ADGRL2: variants seen among roughly 807,000 people sequenced by gnomAD.
The protein encoded by ADGRL2 is calcium-independent alpha-latrotoxin receptor 2.
A neutral mutation model predicts 157.4 loss-of-function variants in ADGRL2; 44 were observed. The ratio of observed to expected loss-of-function variants is 0.28; its 90% CI spans 0.22 to 0.36. The LOEUF is 0.36. Among genes scored for constraint, ADGRL2 ranks in the 10% least tolerant of loss-of-function variants. ADGRL2 has a pLI of 1.00. For synonymous variants in ADGRL2, 585 were observed against 624.7 expected, an observed-to-expected ratio of 0.94 and a Z score of 0.95; for missense variants, 1,510 against 1,768.9, an observed-to-expected ratio of 0.85 and a Z score of 2.63.
In ADGRL2 at chr1:81,955,903, T is replaced by G. The variant is rs1314919396; in HGVS notation, c.1860T>G (p.Leu620=). The G allele has an allele frequency of 6.2e-7, 1 of 1,601,256 alleles. No individual in the cohort carries two copies. The highest frequency in any genetic ancestry group is 8.5e-7 in the Non-Finnish European group (1 of 1,174,484). Residue 620 remains leucine (L), a synonymous_variant, in exon 11 of 24, where the codon CTT becomes CTG. Transcript: ENST00000686636. ...CAATTGTTGACACAGTGGACAACCT[T>G]CTGAGACCCGAAGCTTTGGAATCAT... ...LKAIVDTVDN[L]LRPEALESWK...
intron 1 of ADGRL2, among the ~76,000 whole-genome samples, chr1:81,388,818 G>A (rs879520009): frequency 1.3e-4 from 20 of 152,090 alleles, no homozygotes; most frequent in Admixed American, 9.2e-4. Flanking sequence ...TAAACCAAGC[G>A]ATACTCAATG....
intron 1 of ADGRL2, among the ~76,000 whole-genome samples, chr1:81,814,170 GA>G (rs1217101316): frequency 6.6e-6 from 1 of 151,582 alleles, no homozygotes; most frequent in Admixed American, 6.6e-5. Context: ...AATTATCAAA[GA>G]AAATTTTATC....
chr1:81,482,156 A>G (rs1271459304), intron 2 of ADGRL2, among the ~76,000 whole-genome samples: 2 of 152,250 alleles, frequency 1.3e-5, no homozygotes, highest in South Asian at 2.1e-4. Flanking sequence ...TAGCACTGCT[A>G]TGATTGCATT....
intron 1 of ADGRL2, among the ~76,000 whole-genome samples, chr1:81,748,083 T>A (rs1452874387): frequency 1.3e-5 from 2 of 152,220 alleles, no homozygotes; most frequent in African/African-American, 2.4e-5. Context: ...TACTTTTCTA[T>A]TCTTTTAACT....
At chr1:81,544,078 C>T (rs1020447035) in intron 2 of ADGRL2, among the ~76,000 whole-genome samples, 13 of 152,134 alleles carry the variant, frequency 8.5e-5, no homozygotes, top group African/African-American at 3.1e-4. Flanking sequence ...AACCTCTACC[C>T]GAACCCATCT....
chr1:81,568,956 A>T (rs924014158), intron 2 of ADGRL2, among the ~76,000 whole-genome samples: 1 of 152,142 alleles, frequency 6.6e-6, no homozygotes, highest in African/African-American at 2.4e-5. Context: ...CTTCTCAATT[A>T]CTTGCTTTGC....
At chr1:81,731,674 A>G (rs1408036388) in intron 1 of ADGRL2, among the ~76,000 whole-genome samples, 2 of 151,938 alleles carry the variant, frequency 1.3e-5, no homozygotes, top group Non-Finnish European at 2.9e-5. Context: ...GCCTGATGCA[A>G]CATGGCCTGT....
At chr1:81,820,825 A>G (rs2090919054) in intron 1 of ADGRL2, among the ~76,000 whole-genome samples, 1 of 152,024 alleles carries the variant, frequency 6.6e-6, no homozygotes, top group African/African-American at 2.4e-5. Context: ...TCCTTGTTTT[A>G]CTTTTATAAT....
At chr1:81,522,153 T>C (rs555141835) in intron 2 of ADGRL2, among the ~76,000 whole-genome samples, 5 of 151,842 alleles carry the variant, frequency 3.3e-5, no homozygotes, top group African/African-American at 4.8e-5. Context: ...GTAGTAGAGA[T>C]GGGTTTTCGC....
Position 81,663,962 on chromosome 1 carries a change from C to T in ADGRL2, c.-143+82982C>T, listed in dbSNP as rs1053760538. ...GGGAAGGATATCCGTTTTTGCTTGA[C>T]GTTTATCATGTGTTTACAAAGCTAG... On this transcript the variant is annotated intron_variant, in intron 3 of 24. Transcript: ENST00000370721. Among the ~76,000 whole-genome samples, 6 of 152,008 alleles carry T rather than the reference C, an allele frequency of 3.9e-5. No individual in the cohort carries two copies. In the East Asian group the frequency reaches 7.7e-4, roughly 20 times the overall value.
At chr1:81,642,535 C>T (rs2082241706) in intron 3 of ADGRL2, among the ~76,000 whole-genome samples, 1 of 151,514 alleles carries the variant, frequency 6.6e-6, no homozygotes, top group South Asian at 2.1e-4. Context: ...GAAATTGAAT[C>T]AATAATTAAT....
chr1:81,436,232 C>A (rs1045228843), intron 1 of ADGRL2, among the ~76,000 whole-genome samples: 3 of 152,136 alleles, frequency 2.0e-5, no homozygotes, highest in African/African-American at 4.8e-5. Context: ...AGGGCAGACA[C>A]GGCTCGGTCC....
chr1:81,767,397 G>A (rs1557633993), intron 2 of ADGRL2, among the ~76,000 whole-genome samples: 1 of 152,096 alleles, frequency 6.6e-6, no homozygotes, highest in Non-Finnish European at 1.5e-5. Flanking sequence ...TTGCTCCCTA[G>A]AGAATACTTG....
At chr1:81,620,346 A>G (rs187272050) in intron 3 of ADGRL2, among the ~76,000 whole-genome samples, 3 of 152,256 alleles carry the variant, frequency 2.0e-5, no homozygotes, top group Non-Finnish European at 4.4e-5. Context: ...AAGATGTACA[A>G]CTAGCATATG....
intron 2 of ADGRL2, among the ~76,000 whole-genome samples, chr1:81,862,057 C>T (rs954438990): frequency 2.0e-5 from 3 of 152,094 alleles, no homozygotes; most frequent in Admixed American, 2.0e-4. Flanking sequence ...AGAAATATTA[C>T]GTTTACGCTG....
chr1:81,845,940 A>G (rs2092771372), intron 2 of ADGRL2, among the ~76,000 whole-genome samples: 1 of 151,804 alleles, frequency 6.6e-6, no homozygotes, highest in African/African-American at 2.4e-5. Context: ...CCATTATTTT[A>G]TGCTTAAAAA....
chr1:81,915,616 A>G (rs1457484347), intron 3 of ADGRL2, among the ~76,000 whole-genome samples: 1 of 152,224 alleles, frequency 6.6e-6, no homozygotes, highest in Non-Finnish European at 1.5e-5. Context: ...GAAGCTTGAA[A>G]GATACTTTAA....
At chr1:81,318,087 C>A (rs1292889539) in intron 1 of ADGRL2, among the ~76,000 whole-genome samples, 2 of 152,096 alleles carry the variant, frequency 1.3e-5, no homozygotes, top group Non-Finnish European at 2.9e-5. Context: ...AACATACTCT[C>A]CACCTTTAAA....
At chr1:81,667,899 A>C (rs1466915520) in intron 3 of ADGRL2, among the ~76,000 whole-genome samples, 2 of 152,168 alleles carry the variant, frequency 1.3e-5, no homozygotes, top group African/African-American at 2.4e-5. Flanking sequence ...TGATTTATGC[A>C]CCTCTGTTGT....
Sources: gnomAD v4.1 joint callset for allele counts (sites outside exome capture counted in the v4.1 genomes callset) on GRCh38, gnomAD v4.1.1 for gene constraint, MANE v1.5 for transcripts, NCBI Gene and HGNC (gene_info 2026-07-23, HGNC 2026-07-21) for gene names.